Variants in RPS3 observed in about 807,000 individuals in gnomAD.
RPS3 encodes the protein ribosomal protein S3, also known as small ribosomal subunit protein uS3.
A neutral mutation model predicts 25.8 loss-of-function variants in RPS3; 2 were observed. The ratio of observed to expected loss-of-function variants is 0.08; its 90% CI spans 0.03 to 0.24. The LOEUF (loss-of-function observed/expected upper bound fraction) is 0.24. Ranked by LOEUF, RPS3 falls within the 10% of genes least tolerant of loss-of-function variation. The pLI, the probability that RPS3 is intolerant of heterozygous loss-of-function variation, is 1.00. For missense variants in RPS3, 107 were observed against 307.1 expected, an observed-to-expected ratio of 0.35 and a Z score of 4.87; for synonymous variants, 114 against 114.2, an observed-to-expected ratio of 1.00 and a Z score of 0.01.
At chr11:75,420,936 A>G (rs1432794986) in intron 6 of RPS3, among the ~76,000 whole-genome samples, 4 of 152,068 alleles carry the variant, frequency 2.6e-5, no homozygotes, top group African/African-American at 9.7e-5. Context: ...CATGGGGTAA[A>G]TGGGGCGCCC....
At chr11:75,410,277 C>T (rs1217416801), downstream of RPS3, among the ~76,000 whole-genome samples, 2 of 148,478 alleles carry the variant, frequency 1.3e-5, no homozygotes, top group Admixed American at 1.3e-4. Context: ...TCAGACGGGG[C>T]GGTTGCCAGG....
intron 6 of RPS3, among the ~76,000 whole-genome samples, chr11:75,420,836 A>G (rs903812293): frequency 3.3e-5 from 5 of 151,954 alleles, no homozygotes; most frequent in African/African-American, 1.2e-4. Flanking sequence ...CAAGGAGAAG[A>G]GGCAACTCGG....
At position 75,406,646 on chromosome 11, in the gene RPS3, T is replaced by G. The variant is rs1391785051; in HGVS notation, c.*1036T>G. ...CCCCCTTCCTTTTTGACTCATAAAT[T>G]GGTCATCTTAACCATTTAAGTGTAC... On this transcript the variant is annotated 3_prime_UTR_variant, in exon 7 of 7. Coordinates refer to ENST00000531188, the MANE Select transcript of RPS3 (RefSeq NM_001005.5). 6.6e-6 allele frequency: 1 copy of G among 152,216 alleles called. No homozygotes were observed. Among genetic ancestry groups the G allele is most frequent in the Admixed American group, 6.5e-5 (1 of 15,286 alleles). 9.4% of individuals were successfully genotyped at this position (152,216 alleles called of 1,614,324 possible). A position where few individuals can be genotyped will look rare whatever the true frequency, so the allele number is the denominator to read the frequency against.
At chr11:75,414,606 CA>C (rs11362367) in intron 6 of RPS3, among the ~76,000 whole-genome samples, 138,759 of 144,542 alleles carry the variant, frequency 0.96, 66,670 homozygotes, top group East Asian at 1. Flanking sequence ...GCGAGACTCT[CA>C]AAAAAAAAAA....
downstream of RPS3, among the ~76,000 whole-genome samples, chr11:75,408,538 G>C (rs1364464819): frequency 6.6e-6 from 1 of 152,138 alleles, no homozygotes; most frequent in Admixed American, 6.5e-5. Flanking sequence ...GGGAGGCCAG[G>C]TGCAGTGGCT....
chr11:75,409,791 T>C (rs551888731), downstream of RPS3, among the ~76,000 whole-genome samples: 22 of 139,080 alleles, frequency 1.6e-4, no homozygotes, highest in South Asian at 2.4e-4. Flanking sequence ...ACCTCCCGGA[T>C]GGGGCGGCTG....
Position 75,404,309 on chromosome 11 carries a change from C to A in RPS3, c.538+102C>A. The stretch of plus-strand genomic sequence containing the variant: ...GGAGTTTATCATGGAAGTAGCTGGG[C>A]ATGTTCATATTCCTTGGTGTATCGA... On this transcript the variant is annotated intron_variant, in intron 5 of 6. Transcript: ENST00000531188. The surrounding 1 kb of genome is among the most constrained non-coding windows in gnomAD (Gnocchi z 4.6). 1 of 1,082,616 alleles carries A rather than the reference C, an allele frequency of 9.2e-7. No homozygotes were observed. Among genetic ancestry groups the A allele is most frequent in the Non-Finnish European group, 1.4e-6 (1 of 715,682 alleles). 67.1% of individuals were successfully genotyped at this position (1,082,616 alleles called of 1,614,324 possible). A position where few individuals can be genotyped will look rare whatever the true frequency, so the allele number is the denominator to read the frequency against.
At chr11:75,411,993 C>T (rs552395148) in intron 6 of RPS3, among the ~76,000 whole-genome samples, 1 of 152,292 alleles carries the variant, frequency 6.6e-6, no homozygotes, top group African/African-American at 2.4e-5. Flanking sequence ...TAGATGGAAT[C>T]CTGCTTCAGT....
intron 6 of RPS3, among the ~76,000 whole-genome samples, chr11:75,418,532 T>C (rs1243458374): frequency 6.6e-6 from 1 of 151,800 alleles, no homozygotes; most frequent in Non-Finnish European, 1.5e-5. Flanking sequence ...CAGGATGAAG[T>C]GAATTGAAAG....
chr11:75,399,693 T>C (rs1948175045), intron 1 of RPS3, 116 bp downstream of exon 1: 4 of 865,574 alleles, frequency 4.6e-6, no homozygotes, highest in South Asian at 1.6e-5. Flanking sequence ...GGCCTAGGCT[T>C]CCTGGCGTTC....
chr11:75,420,694 G>T (rs953585657), intron 6 of RPS3, among the ~76,000 whole-genome samples: 1 of 152,132 alleles, frequency 6.6e-6, no homozygotes, highest in African/African-American at 2.4e-5. Flanking sequence ...GGAGGACACA[G>T]GTGAAACTGA....
intron 6 of RPS3, 135 bp from the exon 7 acceptor site, chr11:75,405,479 A>G: frequency 2.9e-6 from 1 of 344,994 alleles, no homozygotes; most frequent in Non-Finnish European, 5.6e-6. Flanking sequence ...TTTTATATGA[A>G]AAAGGACAAA....
At chr11:75,416,083 C>T (rs912252304) in intron 6 of RPS3, among the ~76,000 whole-genome samples, 7 of 152,042 alleles carry the variant, frequency 4.6e-5, no homozygotes, top group Non-Finnish European at 1.0e-4. Context: ...TATTCAAGCC[C>T]GACAGTTTGG....
chr11:75,421,207 CCCGGGCCTTTACTCCTG>C lies in RPS3; in HGVS notation c.*4-517_*4-501del, dbSNP rs558602192. ...TCGGCGGGTCGGAGCTCAGCTGGGA[CCCGGGCCTTTACTCCTG>C]CCATGATGGGCCGGCCCCAGCTGGA... On this transcript the variant is annotated intron_variant, in intron 6 of 6. Transcript: ENST00000527446. 7.9e-5 allele frequency among the ~76,000 whole-genome samples: 12 copies of C among 152,286 alleles called. No individual in the cohort carries two copies. In the East Asian group the frequency reaches 2.3e-3, roughly 29 times the overall value.
chr11:75,421,370 C>T (rs1247323736), intron 6 of RPS3, among the ~76,000 whole-genome samples: 1 of 152,210 alleles, frequency 6.6e-6, no homozygotes, highest in African/African-American at 2.4e-5. Flanking sequence ...AATCTGAGTA[C>T]AAATGAGGGG....
chr11:75,401,005 C>G (rs897385893), intron 2 of RPS3, among the ~76,000 whole-genome samples, 181 bp downstream of exon 2: 2 of 152,122 alleles, frequency 1.3e-5, no homozygotes, highest in African/African-American at 4.8e-5. Context: ...GCGTCAGCCT[C>G]CCGAGTAGCT....
In RPS3 at chr11:75,404,838, C is replaced by G; in HGVS notation, c.705C>G (p.Ala235=). The G allele has an allele frequency of 5.6e-6, 9 of 1,613,070 alleles. No homozygotes were observed. The highest frequency in any genetic ancestry group is 7.6e-6 in the Non-Finnish European group (9 of 1,179,344). Residue 235 remains alanine, a synonymous_variant, in exon 6 of 7, where the codon GCC becomes GCG. Coordinates refer to ENST00000531188, the MANE Select transcript of RPS3 (RefSeq NM_001005.5). This position sits in a 1 kb window ranked among gnomAD's most constrained non-coding sequence, Gnocchi z 4.6. ...EQKGGKPEPP[A]MPQPVPTA ...AGGGTGGGAAGCCAGAGCCGCCTGC[C>G]ATGCCCCAGCCAGTCCCCACAGCAT... is the stretch of plus-strand genomic sequence containing the variant.
At position 75,402,450 on chromosome 11, in the gene RPS3, A is replaced by G; in HGVS notation, c.350+4A>G. On this transcript the variant is annotated splice_donor_region_variant and intron_variant, in intron 4 of 6. Coordinates refer to ENST00000531188, the MANE Select transcript of RPS3 (RefSeq NM_001005.5). Reference sequence around the variant, plus strand: ...TAGGAGGGCTTGCTGTGCGGAGGTAAGTGTCCTGAGACCTAATGGTCATGA... The same window carrying G: ...TAGGAGGGCTTGCTGTGCGGAGGTAGGTGTCCTGAGACCTAATGGTCATGA... 1 of 1,603,906 alleles carries G rather than the reference A, an allele frequency of 6.2e-7. No individual in the cohort carries two copies.
chr11:75,409,459 C>T (rs538686597), downstream of RPS3, among the ~76,000 whole-genome samples: 69 of 129,582 alleles, frequency 5.3e-4, no homozygotes, highest in African/African-American at 1.8e-3. Flanking sequence ...CCATTTAACC[C>T]TGAGTGGACA....
Sources: allele counts gnomAD v4.1 joint callset (sites outside exome capture counted in the v4.1 genomes callset), GRCh38; gene constraint gnomAD v4.1.1; non-coding constraint Gnocchi (gnomAD v3.1); transcripts MANE v1.5; gene names NCBI Gene and HGNC (gene_info 2026-07-23, HGNC 2026-07-21).